Variants in TGFBI observed in about 807,000 individuals in gnomAD.
TGFBI encodes the protein transforming growth factor-beta-induced protein ig-h3.
A neutral mutation model predicts 73.7 loss-of-function variants in TGFBI; 50 were observed. The observed-to-expected ratio is 0.68, with a 90% confidence interval of 0.54 to 0.86. The LOEUF (loss-of-function observed/expected upper bound fraction) is 0.86, where lower values mean the gene tolerates loss of function less well. Ranked by LOEUF, TGFBI falls within the 40% of genes least tolerant of loss-of-function variation. TGFBI has a pLI of 0.00. For synonymous variants in TGFBI, 362 were observed against 360.5 expected (o/e 1.00, Z -0.05); for missense variants, 839 against 877.0 (o/e 0.96, Z 0.55).
At position 136,059,144 on chromosome 5, in the gene TGFBI, T is replaced by G; in HGVS notation, c.1733T>G (p.Leu578Arg). The G allele has an allele frequency of 6.2e-7, 1 of 1,611,708 alleles. No individual in the cohort carries two copies. ...AAATACCACATTGGTGATGAAATCC[T>G]GGTTAGCGGAGGCATCGGGGCCCTG... ...ILKYHIGDEILVSGGIGALVR... is the reference protein window; with the variant it reads ...ILKYHIGDEIRVSGGIGALVR... Residue 578 changes from leucine (L) to arginine (R), a missense_variant, in exon 13 of 17, where the codon CTG (leucine) becomes CGG (arginine). Leu to Arg is a moderately radical substitution (Grantham distance 102). Coordinates refer to ENST00000442011, the MANE Select transcript of TGFBI (RefSeq NM_000358.3).
chr5:136,059,174 G>A lies in TGFBI; in HGVS notation c.1763G>A (p.Arg588Gln), dbSNP rs377713090. The A allele has an allele frequency of 9.9e-6, 16 of 1,610,452 alleles. No individual in the cohort carries two copies. Among genetic ancestry groups the A allele is most frequent in the East Asian group, 2.2e-5 (1 of 44,848 alleles). Reference sequence around the variant, plus strand: ...AGCGGAGGCATCGGGGCCCTGGTGCGGCTAAAGTCTCTCCAAGGTGACAAG... The same window carrying A: ...AGCGGAGGCATCGGGGCCCTGGTGCAGCTAAAGTCTCTCCAAGGTGACAAG... ...LVSGGIGALV[R>Q]LKSLQGDKLE... Residue 588 changes from arginine (R) to glutamine (Q), a missense_variant, in exon 13 of 17, where the codon CGG (arginine) becomes CAG (glutamine). Physicochemically the swap from Arg to Gln is conservative, Grantham distance 43. Transcript: ENST00000442011.
rs1335770294 is a variant in TGFBI at position 136,029,005 on chromosome 5, G to A, written c.-51G>A. ...GAGGCGCTCTCACTTCCCTGGAGCC[G>A]CCCGCTTGCCCGTCGGTCGCTAGCT... On this transcript the variant is annotated 5_prime_UTR_variant, in exon 1 of 17. Coordinates refer to ENST00000442011, the MANE Select transcript of TGFBI (RefSeq NM_000358.3). The A allele has an allele frequency of 2.0e-6, 3 of 1,504,876 alleles. No individual in the cohort carries two copies. Among genetic ancestry groups the A allele is most frequent in the Non-Finnish European group, 2.6e-6 (3 of 1,133,738 alleles). The allele number at this position is 1,504,876 out of a possible 1,614,324, so 93.2% of individuals were successfully genotyped here. A position where few individuals can be genotyped will look rare whatever the true frequency, so the allele number is the denominator to read the frequency against.
rs2074809 is a variant in TGFBI at position 136,062,824 on chromosome 5, C to T, written c.2011+137C>T. On this transcript the variant is annotated intron_variant, in intron 16 of 16. Coordinates refer to ENST00000442011, the MANE Select transcript of TGFBI (RefSeq NM_000358.3). Reference sequence around the variant, plus strand: ...AGAAGCCTGGCCTTTGGAGTCAGAACAGCAGGGTGACTTGGGGTCAGACCC... The same window carrying T: ...AGAAGCCTGGCCTTTGGAGTCAGAATAGCAGGGTGACTTGGGGTCAGACCC... 5,925 of 950,120 alleles carry T rather than the reference C, an allele frequency of 6.2e-3. 369 individuals are homozygous for T. The East Asian group carries it at 0.13, about 21-fold the overall frequency. The allele number at this position is 950,120 out of a possible 1,614,324, so 58.9% of individuals were successfully genotyped here.
In TGFBI at chr5:136,056,772, CA is replaced by C; in HGVS notation, c.1657del (p.Arg553GlufsTer17). 1.2e-6 allele frequency: 2 copies of C among 1,613,884 alleles called. No homozygotes were observed. Among genetic ancestry groups the C allele is most frequent in the Non-Finnish European group, 1.7e-6 (2 of 1,179,836 alleles). The stretch of plus-strand genomic sequence containing the variant: ...AATGAAGCCTTCCGAGCCCTGCCAC[CA>C]AGAGAACGGAGCAGACTCTTGGGTA... The part of the protein sequence containing the change: ...PTNEAFRALP[P>X]RERSRLLGDA... On this transcript the variant is annotated frameshift_variant, in exon 12 of 17. Transcript: ENST00000442011. LOFTEE classifies it high-confidence loss of function.
chr5:136,039,608 G>A (rs569195026), intron 2 of TGFBI, among the ~76,000 whole-genome samples: 14 of 152,330 alleles, frequency 9.2e-5, no homozygotes, highest in African/African-American at 3.4e-4. Context: ...CATCAGACAA[G>A]GAGCTTGGGA....
intron 12 of TGFBI, 22 bp from the exon 13 acceptor site, chr5:136,059,068 C>G (rs746659816): frequency 6.2e-7 from 1 of 1,606,450 alleles, no homozygotes. Context: ...TTAACTCTAT[C>G]TCCTTTTCCC....
chr5:136,060,875 G>A lies in TGFBI; in HGVS notation c.1845G>A (p.Glu615=). Residue 615 remains glutamate, a synonymous_variant, in exon 14 of 17, where the codon GAG becomes GAA. Transcript: ENST00000442011. ...GTGTCAACAAGGAGCCTGTTGCCGAGCCTGACATCATGGCCACAAATGGCG... is the reference window on the plus strand; with the variant it reads ...GTGTCAACAAGGAGCCTGTTGCCGAACCTGACATCATGGCCACAAATGGCG... The part of the protein sequence containing the change: ...VVSVNKEPVA[E]PDIMATNGVV... 2 of 1,602,290 alleles carry A rather than the reference G, an allele frequency of 1.2e-6. No homozygotes were observed. Among genetic ancestry groups the A allele is most frequent in the Non-Finnish European group, 1.7e-6 (2 of 1,171,388 alleles).
chr5:136,038,456 C>T (rs1023962312), intron 2 of TGFBI, among the ~76,000 whole-genome samples: 4 of 151,536 alleles, frequency 2.6e-5, no homozygotes, highest in Non-Finnish European at 4.4e-5. Context: ...GTGGTTCACG[C>T]CTTTAATCCC....
chr5:136,055,966 G>A lies in TGFBI; in HGVS notation c.1547+150G>A, dbSNP rs1751623512. The A allele has an allele frequency of 1.3e-5, 11 of 821,724 alleles. No homozygotes were observed. In the East Asian group the frequency reaches 3.2e-4, roughly 24 times the overall value. 50.9% of individuals were successfully genotyped at this position (821,724 alleles called of 1,614,324 possible). On this transcript the variant is annotated intron_variant, in intron 11 of 16. Coordinates refer to ENST00000442011, the MANE Select transcript of TGFBI (RefSeq NM_000358.3). Reference sequence around the variant, plus strand: ...GCTGCGACCTTCCAGACTTGGGATGGGGAAAAGGCAAGGGTCGCCTTGAAA... The same window carrying A: ...GCTGCGACCTTCCAGACTTGGGATGAGGAAAAGGCAAGGGTCGCCTTGAAA...
chr5:136,036,433 G>A (rs1751222286), intron 2 of TGFBI, among the ~76,000 whole-genome samples: 1 of 152,210 alleles, frequency 6.6e-6, no homozygotes, highest in Non-Finnish European at 1.5e-5. Context: ...GCCCTTCCTG[G>A]AACATTACAT....
Position 136,044,070 on chromosome 5 carries a change from C to G in TGFBI, c.246C>G (p.Tyr82Ter). 6.2e-7 allele frequency: 1 copy of G among 1,613,192 alleles called. No individual in the cohort carries two copies. Among genetic ancestry groups the G allele is most frequent in the Non-Finnish European group, 8.5e-7 (1 of 1,179,404 alleles). The change falls in exon 3 of 17, where the codon TAC becomes TAG. Residue 82 changes from tyrosine (Y) to a stop codon, truncating the protein, a stop_gained. Transcript: ENST00000442011. LOFTEE classifies it high-confidence loss of function. ...TGTCTTGTTACAGAGTCATCAGCTA[C>G]GAGTGCTGTCCTGGATATGAAAAGG... ...KICGKSTVISYECCPGYEKVP... is the reference protein window; with the variant it reads ...KICGKSTVIS
chr5:136,059,638 C>A lies in TGFBI; in HGVS notation c.1803+424C>A, dbSNP rs111479696. Among the ~76,000 whole-genome samples the A allele has an allele frequency of 1.6e-3, 238 of 152,258 alleles. 1 individual carries two copies. The highest frequency in any genetic ancestry group is 2.4e-3 in the Non-Finnish European group (161 of 68,016). On this transcript the variant is annotated intron_variant, in intron 13 of 16. Transcript: ENST00000442011. ...TGAGTTCTGACACTTGCTCTGTGAGCCTTCCCTTGCTCTGCACATTGATGA... is the reference window on the plus strand; with the variant it reads ...TGAGTTCTGACACTTGCTCTGTGAGACTTCCCTTGCTCTGCACATTGATGA...
chr5:136,029,061 G>T lies in TGFBI; in HGVS notation c.6G>T (p.Ala2=), dbSNP rs1195343040. 4.6e-6 allele frequency: 7 copies of T among 1,527,190 alleles called. No individual in the cohort carries two copies. The African/African-American group carries it at 8.4e-5, about 18-fold the overall frequency. The allele number at this position is 1,527,190 out of a possible 1,614,324, so 94.6% of individuals were successfully genotyped here. Residue 2 remains alanine (A), a synonymous_variant, in exon 1 of 17, where the codon GCG becomes GCT. Transcript: ENST00000442011. M[A]LFVRLLALAL... is the part of the protein sequence containing the mutation. ...GGTGCGCGTCGTCCCGCTCCATGGC[G>T]CTCTTCGTGCGGCTGCTGGCTCTCG...
chr5:136,062,529 G>T, intron 15 of TGFBI, 134 bp from the exon 16 acceptor site: 1 of 907,560 alleles, frequency 1.1e-6, no homozygotes. Flanking sequence ...GTGCCTATAA[G>T]TTCCACCTTC....
chr5:136,045,499 A>G (rs1460956348), intron 3 of TGFBI, among the ~76,000 whole-genome samples: 1 of 152,122 alleles, frequency 6.6e-6, no homozygotes, highest in East Asian at 1.9e-4. Context: ...GAGCTGAGAT[A>G]GGGCCGTTGC....
intron 2 of TGFBI, among the ~76,000 whole-genome samples, chr5:136,039,615 G>A (rs1356108606): frequency 6.6e-6 from 1 of 152,214 alleles, no homozygotes; most frequent in Admixed American, 6.5e-5. Flanking sequence ...CAAGGAGCTT[G>A]GGAACTGAGG....
chr5:136,034,008 G>A (rs1395165227), intron 2 of TGFBI, 147 bp downstream of exon 2: 20 of 701,690 alleles, frequency 2.9e-5, no homozygotes, highest in African/African-American at 8.9e-5. Context: ...GCGTGCTAGG[G>A]AGTGGCATTT....
At chr5:136,061,644 G>A (rs765438450) in intron 15 of TGFBI, 65 bp downstream of exon 15, 3 of 1,382,202 alleles carry the variant, frequency 2.2e-6, no homozygotes, top group Non-Finnish European at 3.1e-6. Context: ...GGGCCATAGA[G>A]GAGCCTCTCC....
At position 136,063,381 on chromosome 5, in the gene TGFBI, G is replaced by T. The variant is rs1405075242; in HGVS notation, c.*155G>T. On this transcript the variant is annotated 3_prime_UTR_variant, in exon 17 of 17. Coordinates refer to ENST00000442011, the MANE Select transcript of TGFBI (RefSeq NM_000358.3). ...AGATGTGAGCCTTGTGCATGTGGGG[G>T]AGGAGGGAGAGAGATGTACTTTTTA... is the stretch of plus-strand genomic sequence containing the variant. 1.5e-6 allele frequency: 1 copy of T among 675,126 alleles called. No homozygotes were observed. Among genetic ancestry groups the T allele is most frequent in the Non-Finnish European group, 2.6e-6 (1 of 384,926 alleles). 41.8% of individuals were successfully genotyped at this position (675,126 alleles called of 1,614,324 possible). A position where few individuals can be genotyped will look rare whatever the true frequency, so the allele number is the denominator to read the frequency against.
Sources: gnomAD v4.1 joint callset for allele counts (sites outside exome capture counted in the v4.1 genomes callset) on GRCh38, gnomAD v4.1.1 for gene constraint, MANE v1.5 for transcripts, NCBI Gene and HGNC (gene_info 2026-07-23, HGNC 2026-07-21) for gene names.